Variants in MYT1L observed in about 807,000 individuals in gnomAD.
MYT1L encodes myelin transcription factor 1-like protein.
Under a neutral mutation model 126.7 loss-of-function variants are expected in MYT1L, and 12 were observed. The ratio of observed to expected loss-of-function variants is 0.09; its 90% CI spans 0.06 to 0.15. The LOEUF (loss-of-function observed/expected upper bound fraction) is 0.15. MYT1L is among the 10% of genes least tolerant of loss of function. The pLI, the probability that MYT1L is intolerant of heterozygous loss-of-function variation, is 1.00. For synonymous variants in MYT1L, 541 were observed against 604.2 expected, an observed-to-expected ratio of 0.90 and a Z score of 1.53; for missense variants, 979 against 1,585.2, an observed-to-expected ratio of 0.62 and a Z score of 6.49.
At chr2:1,862,705 A>T (rs2044851048) in intron 18 of MYT1L, among the ~76,000 whole-genome samples, 1 of 152,214 alleles carries the variant, frequency 6.6e-6, no homozygotes, top group Non-Finnish European at 1.5e-5. Flanking sequence ...CCCTCTGGTT[A>T]CAAAGAGGGC....
chr2:2,112,042 G>A (rs986063913), intron 3 of MYT1L, among the ~76,000 whole-genome samples: 5 of 152,332 alleles, frequency 3.3e-5, no homozygotes, highest in South Asian at 2.1e-4. Context: ...CCTGAGGAGC[G>A]TCACAAGAAA....
At chr2:2,231,828 A>G (rs1352425833) in intron 2 of MYT1L, among the ~76,000 whole-genome samples, 1 of 152,140 alleles carries the variant, frequency 6.6e-6, no homozygotes, top group Non-Finnish European at 1.5e-5. Flanking sequence ...TTTCCACGAT[A>G]ACTCCTCCCA....
intron 2 of MYT1L, among the ~76,000 whole-genome samples, chr2:2,259,596 G>T (rs1483342997): frequency 6.6e-6 from 1 of 152,024 alleles, no homozygotes; most frequent in Non-Finnish European, 1.5e-5. Context: ...AGTGAAAATT[G>T]TGACCTGAAA....
chr2:2,293,130 C>G lies in MYT1L; in HGVS notation c.-520-8627G>C, dbSNP rs1418948545. On this transcript the variant is annotated intron_variant, in intron 1 of 24. Transcript: ENST00000647738. Reference sequence around the variant, plus strand: ...GCCAGAGGGTCCCAGCTTAGCAGCTCGGGGAAGTAAAGCCTCAAAACTGTC... The same window carrying G: ...GCCAGAGGGTCCCAGCTTAGCAGCTGGGGGAAGTAAAGCCTCAAAACTGTC... Among the ~76,000 whole-genome samples, 5 of 152,192 alleles carry G rather than the reference C, an allele frequency of 3.3e-5. No individual in the cohort carries two copies. The East Asian group carries it at 9.6e-4, about 29-fold the overall frequency.
intron 2 of MYT1L, among the ~76,000 whole-genome samples, chr2:2,217,859 C>T (rs35791713): frequency 0.071 from 10,727 of 152,062 alleles, 427 homozygotes; most frequent in Middle Eastern, 0.11. Context: ...AAAGAGCTCT[C>T]GAAACTTAAT....
At chr2:1,945,683 G>C (rs1398677302) in intron 8 of MYT1L, among the ~76,000 whole-genome samples, 1 of 152,162 alleles carries the variant, frequency 6.6e-6, no homozygotes, top group African/African-American at 2.4e-5. Context: ...TATATGTAAA[G>C]AGGTTAGTAC....
chr2:2,197,063 T>C (rs573059219), intron 2 of MYT1L, among the ~76,000 whole-genome samples: 179 of 152,280 alleles, frequency 1.2e-3, no homozygotes, highest in African/African-American at 4.0e-3. Context: ...AAAATATTGA[T>C]GTGTAGGCCC....
chr2:2,229,499 T>C (rs2094108767), intron 2 of MYT1L, among the ~76,000 whole-genome samples: 1 of 152,132 alleles, frequency 6.6e-6, no homozygotes, highest in Non-Finnish European at 1.5e-5. Flanking sequence ...TGAAGTGCAG[T>C]GGTGTGATCA....
At chr2:2,208,790 A>G (rs2093402185) in intron 2 of MYT1L, among the ~76,000 whole-genome samples, 2 of 152,310 alleles carry the variant, frequency 1.3e-5, no homozygotes, top group Admixed American at 1.3e-4. Context: ...TTTAGGCTCT[A>G]TCATAGTAGA....
chr2:1,915,955 G>C (rs577465482), intron 11 of MYT1L, among the ~76,000 whole-genome samples: 2 of 152,174 alleles, frequency 1.3e-5, no homozygotes, highest in Non-Finnish European at 2.9e-5. Flanking sequence ...TGCTGGGTGT[G>C]AGCTGCGTCC....
intron 3 of MYT1L, among the ~76,000 whole-genome samples, chr2:2,107,395 T>C (rs1216476345): frequency 6.6e-6 from 1 of 152,246 alleles, no homozygotes; most frequent in East Asian, 1.9e-4. Flanking sequence ...GCTTTTGTGC[T>C]ACAACAGCAG....
chr2:1,809,554 G>C (rs1164302743), intron 21 of MYT1L, among the ~76,000 whole-genome samples: 1 of 152,202 alleles, frequency 6.6e-6, no homozygotes, highest in Non-Finnish European at 1.5e-5. Context: ...CAAGCTCATA[G>C]AAAGGTTGGG....
chr2:1,952,723 C>T (rs2057894759), intron 8 of MYT1L, among the ~76,000 whole-genome samples: 2 of 57,644 alleles, frequency 3.5e-5, no homozygotes, highest in African/African-American at 7.3e-5. Context: ...TCCCTCCTTC[C>T]TTCCCTTCCC....
intron 3 of MYT1L, among the ~76,000 whole-genome samples, chr2:2,055,308 G>A (rs962811828): frequency 4.6e-5 from 7 of 152,090 alleles, no homozygotes; most frequent in Admixed American, 3.3e-4. Flanking sequence ...TCAGTTCAAA[G>A]GATAGCAAAT....
chr2:2,113,680 T>C (rs1012181791), intron 3 of MYT1L, among the ~76,000 whole-genome samples: 4 of 152,242 alleles, frequency 2.6e-5, no homozygotes, highest in African/African-American at 7.2e-5. Context: ...TCAAAGTCAT[T>C]GTTTCATTTA....
chr2:1,989,311 C>G (rs1437796486), intron 5 of MYT1L, among the ~76,000 whole-genome samples: 8 of 152,124 alleles, frequency 5.3e-5, no homozygotes, highest in African/African-American at 1.9e-4. Context: ...TTCTCAGGAG[C>G]TGCAGTCCTG....
At chr2:2,314,586 CATGTGCAGG>C (rs1334245694) in intron 1 of MYT1L, among the ~76,000 whole-genome samples, 1 of 152,128 alleles carries the variant, frequency 6.6e-6, no homozygotes, top group Non-Finnish European at 1.5e-5. Context: ...TTCTGGGATA[CATGTGCAGG>C]ATGTGCAGAT....
chr2:1,994,671 T>C (rs2061691876), intron 5 of MYT1L, among the ~76,000 whole-genome samples: 1 of 152,236 alleles, frequency 6.6e-6, no homozygotes, highest in Non-Finnish European at 1.5e-5. Context: ...TGCTGATCTA[T>C]AGGGCTGTTC....
At chr2:2,009,056 G>A (rs1043217417) in intron 4 of MYT1L, among the ~76,000 whole-genome samples, 1 of 151,756 alleles carries the variant, frequency 6.6e-6, no homozygotes, top group African/African-American at 2.4e-5. Context: ...CTGTTTTTAT[G>A]CCAGTATCAT....
Sources: gnomAD v4.1 joint callset for allele counts (sites outside exome capture counted in the v4.1 genomes callset) on GRCh38, gnomAD v4.1.1 for gene constraint, MANE v1.5 for transcripts, NCBI Gene and HGNC (gene_info 2026-07-23, HGNC 2026-07-21) for gene names.